DYM: variants seen among roughly 807,000 people sequenced by gnomAD.
DYM encodes the protein dymeclin.
In DYM, 78 loss-of-function variants were observed where a neutral mutation model predicts 93.1. That is an observed-to-expected ratio of 0.84 (90% CI 0.70 to 1.01). DYM has a LOEUF of 1.01. Among genes scored for constraint, DYM ranks in the 50% least tolerant of loss-of-function variants. DYM has a pLI of 0.00. For synonymous variants in DYM, 321 were observed against 319.7 expected, an observed-to-expected ratio of 1.00 and a Z score of -0.04; for missense variants, 789 against 845.0, an observed-to-expected ratio of 0.93 and a Z score of 0.82.
In DYM at chr18:49,377,282, G is replaced by A. The variant is rs577225271; in HGVS notation, c.421+1285C>T. Among the ~76,000 whole-genome samples, 254 of 152,158 alleles carry A rather than the reference G, an allele frequency of 1.7e-3. 1 individual carries two copies. Among genetic ancestry groups the A allele is most frequent in the African/African-American group, 5.8e-3 (240 of 41,524 alleles). On this transcript the variant is annotated intron_variant, in intron 5 of 17. Transcript: ENST00000675505. The stretch of plus-strand genomic sequence containing the variant: ...ATATTGTTTTTAAAAATTCTAGGCC[G>A]GGCACGGTGGCTCATGCCTGTAATC...
At chr18:49,292,347 G>GACACACACAC (rs1389526313) in intron 8 of DYM, among the ~76,000 whole-genome samples, 3 of 68,388 alleles carry the variant, frequency 4.4e-5, no homozygotes, top group African/African-American at 8.4e-5. Context: ...CAGACAGACA[G>GACACACACAC]ACAGACAGAC....
Position 49,335,494 on chromosome 18 carries a change from G to C in DYM, c.495-1641C>G, listed in dbSNP as rs890714572. 2.0e-5 allele frequency among the ~76,000 whole-genome samples: 3 copies of C among 152,174 alleles called. No individual in the cohort carries two copies. The East Asian group carries it at 5.8e-4, about 29-fold the overall frequency. ...TAAAAAATTTAAAAAATAAAATAAA[G>C]CAATTCTTGTATTTGTTCTTCTTTC... On this transcript the variant is annotated intron_variant, in intron 6 of 17. Coordinates refer to ENST00000675505, the MANE Select transcript of DYM (RefSeq NM_001353214.3).
chr18:49,222,437 T>G (rs2093398559), intron 13 of DYM, among the ~76,000 whole-genome samples: 1 of 152,096 alleles, frequency 6.6e-6, no homozygotes, highest in African/African-American at 2.4e-5. Flanking sequence ...CAAATGAGTT[T>G]GAGACATCTT....
At chr18:49,214,958 C>A (rs2092959166) in intron 13 of DYM, among the ~76,000 whole-genome samples, 2 of 152,176 alleles carry the variant, frequency 1.3e-5, no homozygotes. Flanking sequence ...GATCTATCCA[C>A]AGAAGAATAT....
chr18:49,138,726 C>A (rs1327701201), intron 15 of DYM, among the ~76,000 whole-genome samples: 2 of 152,018 alleles, frequency 1.3e-5, no homozygotes, highest in Non-Finnish European at 2.9e-5. Flanking sequence ...AATTTAGAGT[C>A]CAGTAGGGGA....
chr18:49,081,049 G>C (rs1393320661), intron 17 of DYM, among the ~76,000 whole-genome samples: 17 of 141,328 alleles, frequency 1.2e-4, no homozygotes, highest in Non-Finnish European at 2.0e-4. Flanking sequence ...GGCTCCTCAC[G>C]TCCCAGACGA....
intron 13 of DYM, among the ~76,000 whole-genome samples, chr18:49,226,240 C>G (rs1251586732): frequency 3.3e-5 from 5 of 152,062 alleles, no homozygotes; most frequent in Non-Finnish European, 5.9e-5. Context: ...TACCACTGTC[C>G]CTTGTTTTAC....
chr18:49,263,118 ATCT>A lies in DYM; in HGVS notation c.1252-4628_1252-4626del, dbSNP rs377106737. Among the ~76,000 whole-genome samples, 1,495 of 151,936 alleles carry A rather than the reference ATCT, an allele frequency of 9.8e-3. 37 individuals carry two copies. The highest frequency in any genetic ancestry group is 0.075 in the South Asian group (359 of 4,812). ...AAGCAGAATTGCCAAATCATTGAATATCTTCTTTTTTTTTTTTGAGTTGGAGCC... is the reference window on the plus strand; with the variant it reads ...AAGCAGAATTGCCAAATCATTGAATATCTTTTTTTTTTTTGAGTTGGAGCC... On this transcript the variant is annotated intron_variant, in intron 11 of 17. Transcript: ENST00000675505.
At chr18:49,127,593 A>C (rs910252952) in intron 15 of DYM, among the ~76,000 whole-genome samples, 2 of 152,236 alleles carry the variant, frequency 1.3e-5, no homozygotes, top group Non-Finnish European at 2.9e-5. Context: ...GGATTTTGCC[A>C]AAAGTGGGGA....
intron 16 of DYM, among the ~76,000 whole-genome samples, chr18:49,113,581 T>C (rs573620285): frequency 6.6e-6 from 1 of 152,284 alleles, no homozygotes; most frequent in Non-Finnish European, 1.5e-5. Flanking sequence ...CCCTGCCCAC[T>C]AAAAATAACA....
intron 15 of DYM, among the ~76,000 whole-genome samples, chr18:49,121,864 T>C (rs1313531852): frequency 6.6e-6 from 1 of 152,154 alleles, no homozygotes; most frequent in Non-Finnish European, 1.5e-5. Flanking sequence ...CTTTTTCAGA[T>C]AAAAATAAGT....
intron 14 of DYM, among the ~76,000 whole-genome samples, chr18:49,184,041 A>G (rs562332652): frequency 1.4e-4 from 22 of 152,262 alleles, no homozygotes; most frequent in African/African-American, 5.1e-4. Flanking sequence ...AGTTTCTACA[A>G]CAGTGAGAAA....
intron 11 of DYM, among the ~76,000 whole-genome samples, chr18:49,270,644 T>TTC (rs1266770079): frequency 6.6e-6 from 1 of 152,192 alleles, no homozygotes; most frequent in African/African-American, 2.4e-5. Flanking sequence ...TAGTAGCCAT[T>TTC]TCTCTATGTA....
At chr18:49,349,006 A>G (rs1222085192) in intron 6 of DYM, among the ~76,000 whole-genome samples, 4 of 151,450 alleles carry the variant, frequency 2.6e-5, no homozygotes, top group Non-Finnish European at 4.4e-5. Context: ...ACAGCAGTTC[A>G]AGACCAGGCT....
chr18:49,112,812 A>C (rs1451208814), intron 16 of DYM, among the ~76,000 whole-genome samples: 1 of 152,136 alleles, frequency 6.6e-6, no homozygotes, highest in Non-Finnish European at 1.5e-5. Context: ...CTTCCCAGCC[A>C]GTTCCCCATA....
intron 11 of DYM, among the ~76,000 whole-genome samples, chr18:49,269,329 C>G (rs1438573893): frequency 6.6e-6 from 1 of 152,078 alleles, no homozygotes; most frequent in East Asian, 1.9e-4. Flanking sequence ...GGAGGGGATG[C>G]AGGAAACAGA....
At chr18:49,157,531 G>A (rs1267323203) in intron 15 of DYM, among the ~76,000 whole-genome samples, 1 of 152,178 alleles carries the variant, frequency 6.6e-6, no homozygotes. Flanking sequence ...TTGAGGCCCA[G>A]TGAGGCAAAA....
chr18:49,235,162 T>C (rs1243668321), intron 13 of DYM, among the ~76,000 whole-genome samples: 1 of 152,226 alleles, frequency 6.6e-6, no homozygotes, highest in Admixed American at 6.5e-5. Flanking sequence ...AACAAATCTG[T>C]GTTGATTAAG....
At chr18:49,407,164 C>G (rs530589957) in intron 2 of DYM, among the ~76,000 whole-genome samples, 2 of 152,060 alleles carry the variant, frequency 1.3e-5, no homozygotes, top group African/African-American at 4.8e-5. Flanking sequence ...AAATAGAAAA[C>G]TAATTAGTGG....
Sources: gnomAD v4.1 joint callset for allele counts (sites outside exome capture counted in the v4.1 genomes callset) on GRCh38, gnomAD v4.1.1 for gene constraint, MANE v1.5 for transcripts, NCBI Gene and HGNC (gene_info 2026-07-23, HGNC 2026-07-21) for gene names.